The following LUC7L2 variants were observed in gnomAD, a reference collection of about 807,000 sequenced individuals.
LUC7L2 encodes LUC7 like 2, pre-mRNA splicing factor.
Under a neutral mutation model 52.8 loss-of-function variants are expected in LUC7L2, and 25 were observed. The observed-to-expected ratio is 0.47, with a 90% CI of 0.34 to 0.66. The LOEUF is 0.66. Ranked by LOEUF, LUC7L2 falls within the 30% of genes least tolerant of loss-of-function variation. The probability of loss-of-function intolerance (pLI) is 0.01; values close to 1 mark genes in which losing one functional copy is unlikely to be tolerated. For missense variants in LUC7L2, 328 were observed against 497.8 expected (o/e 0.66, Z 3.25); for synonymous variants, 144 against 160.9 (o/e 0.89, Z 0.80).
At chr7:139,382,355 T>C (rs1049806388) in intron 2 of LUC7L2, among the ~76,000 whole-genome samples, 24 of 152,022 alleles carry the variant, frequency 1.6e-4, no homozygotes, top group African/African-American at 5.8e-4. Flanking sequence ...GTCAATATTA[T>C]TGGGGACTTT....
chr7:139,379,091 T>C (rs1800857426), intron 2 of LUC7L2, among the ~76,000 whole-genome samples: 1 of 152,160 alleles, frequency 6.6e-6, no homozygotes, highest in African/African-American at 2.4e-5. Context: ...TCTTGACCTC[T>C]TGATCTGTTC....
In LUC7L2 at chr7:139,345,376, C is replaced by T. The variant is rs1008108174; in HGVS notation, c.-26+4859C>T. 7.7e-6 allele frequency: 10 copies of T among 1,307,070 alleles called. No individual in the cohort carries two copies. In the East Asian group the frequency reaches 1.8e-4, roughly 23 times the overall value. 81.0% of individuals were successfully genotyped at this position (1,307,070 alleles called of 1,614,324 possible). On this transcript the variant is annotated intron_variant, in intron 1 of 10. Coordinates refer to the LUC7L2 transcript ENST00000541170. Reference sequence around the variant, plus strand: ...GATGTATTAAGTATACATGTATATACATACATGTCTGTATTTCCTCTGTGC... The same window carrying T: ...GATGTATTAAGTATACATGTATATATATACATGTCTGTATTTCCTCTGTGC...
upstream of LUC7L2, among the ~76,000 whole-genome samples, chr7:139,356,032 C>T (rs1013736446): frequency 6.6e-6 from 1 of 152,158 alleles, no homozygotes; most frequent in Non-Finnish European, 1.5e-5. Flanking sequence ...AACCACTGGG[C>T]GTGGTGGCTC....
chr7:139,371,391 C>T, intron 1 of LUC7L2: 1 of 1,068,294 alleles, frequency 9.4e-7, no homozygotes, highest in Non-Finnish European at 1.4e-6. Context: ...GCTTAGCCTT[C>T]ACAGTTGTTG....
rs1443587846 is a variant in LUC7L2 at position 139,341,617 on chromosome 7, T to G, written c.-26+1100T>G. On this transcript the variant is annotated intron_variant, in intron 1 of 10. Transcript: ENST00000541170. ...GGGAGCACGGTGTTTAATTCCTGCA[T>G]TTCTGAGGCCAACCCTCCCACGGAG... 2.6e-6 allele frequency: 4 copies of G among 1,523,148 alleles called. No homozygotes were observed. In the African/African-American group the frequency reaches 5.5e-5, roughly 21 times the overall value. The allele number at this position is 1,523,148 out of a possible 1,614,324, so 94.4% of individuals were successfully genotyped here.
chr7:139,350,728 T>C (rs1585063188), intron 1 of LUC7L2, among the ~76,000 whole-genome samples: 1 of 150,904 alleles, frequency 6.6e-6, no homozygotes, highest in African/African-American at 2.4e-5. Context: ...CAGGCTGGAG[T>C]GCAGTGGTGC....
intron 1 of LUC7L2, among the ~76,000 whole-genome samples, chr7:139,352,467 A>C (rs1345269337): frequency 6.6e-6 from 1 of 152,126 alleles, no homozygotes; most frequent in African/African-American, 2.4e-5. Context: ...CACTGCATTC[A>C]CCCGGGTGAC....
chr7:139,373,009 CA>C (rs1800530824), intron 1 of LUC7L2, among the ~76,000 whole-genome samples: 1 of 152,014 alleles, frequency 6.6e-6, no homozygotes, highest in Non-Finnish European at 1.5e-5. Flanking sequence ...CCACAAAACC[CA>C]AAGATAAAAC....
intron 3 of LUC7L2, among the ~76,000 whole-genome samples, chr7:139,399,170 G>A (rs1282798415): frequency 1.3e-5 from 2 of 151,972 alleles, no homozygotes; most frequent in African/African-American, 4.8e-5. Flanking sequence ...AGAAGAAATG[G>A]ATTGTTGCAT....
intron 2 of LUC7L2, chr7:139,392,505 C>A (rs568937026): frequency 8.7e-6 from 3 of 346,234 alleles, no homozygotes; most frequent in East Asian, 1.0e-4. Context: ...ACATTTCATG[C>A]AGTAATGGAT....
chr7:139,390,700 C>T (rs561821101), intron 2 of LUC7L2, among the ~76,000 whole-genome samples: 16 of 152,034 alleles, frequency 1.1e-4, no homozygotes, highest in Non-Finnish European at 1.5e-4. Flanking sequence ...GGACTATAGG[C>T]GCCCACCACC....
upstream of LUC7L2, chr7:139,359,769 C>G (rs1183214760): frequency 5.0e-6 from 2 of 400,774 alleles, no homozygotes; most frequent in Admixed American, 4.4e-5. Context: ...GCGGGAGGAG[C>G]GCGCGTGCAC....
intron 5 of LUC7L2, among the ~76,000 whole-genome samples, 196 bp from the exon 6 acceptor site, chr7:139,406,978 A>C (rs1795143199): frequency 6.8e-6 from 1 of 147,338 alleles, no homozygotes; most frequent in African/African-American, 2.5e-5. Context: ...TAATTTTCAT[A>C]ACAAAATAGC....
intron 4 of LUC7L2, among the ~76,000 whole-genome samples, chr7:139,403,108 A>T (rs1485926583): frequency 6.6e-6 from 1 of 152,148 alleles, no homozygotes; most frequent in South Asian, 2.1e-4. Context: ...GTATCAGTTC[A>T]TTCCTTTTTA....
At chr7:139,400,628 T>C (rs1273764547) in intron 3 of LUC7L2, among the ~76,000 whole-genome samples, 1 of 152,202 alleles carries the variant, frequency 6.6e-6, no homozygotes, top group African/African-American at 2.4e-5. Flanking sequence ...TTATAGACTT[T>C]TAAGTCCTCG....
chr7:139,417,852 T>C (rs1223301422), intron 9 of LUC7L2, 123 bp downstream of exon 9: 21 of 1,320,050 alleles, frequency 1.6e-5, no homozygotes, highest in Non-Finnish European at 2.0e-5. Context: ...TCTGGTAATA[T>C]GTACACATTT....
chr7:139,365,775 A>T (rs186375765), intron 1 of LUC7L2, among the ~76,000 whole-genome samples: 1 of 152,244 alleles, frequency 6.6e-6, no homozygotes, highest in African/African-American at 2.4e-5. Flanking sequence ...GCAGTTTGGC[A>T]TAACTTAATC....
At chr7:139,362,096 T>C (rs571942943) in intron 1 of LUC7L2, among the ~76,000 whole-genome samples, 36 of 152,236 alleles carry the variant, frequency 2.4e-4, no homozygotes, top group Admixed American at 2.1e-3. Context: ...TTTTTATGTG[T>C]CTGTTACTGG....
At position 139,422,437 on chromosome 7, in the gene LUC7L2, A is replaced by G; in HGVS notation, c.*97A>G. 1 of 1,493,944 alleles carries G rather than the reference A, an allele frequency of 6.7e-7. No homozygotes were observed. Among genetic ancestry groups the G allele is most frequent in the East Asian group, 2.3e-5 (1 of 43,348 alleles). The allele number at this position is 1,493,944 out of a possible 1,614,324, so 92.5% of individuals were successfully genotyped here. On this transcript the variant is annotated 3_prime_UTR_variant, in exon 10 of 10. Transcript: ENST00000354926. ...TCAGGGTGACAGTGAGCAGATCCAGACACCAGATCCAGCTAGGCTAGATGT... is the reference window on the plus strand; with the variant it reads ...TCAGGGTGACAGTGAGCAGATCCAGGCACCAGATCCAGCTAGGCTAGATGT...
Sources: allele counts gnomAD v4.1 joint callset (sites outside exome capture counted in the v4.1 genomes callset), GRCh38; gene constraint gnomAD v4.1.1; transcripts MANE v1.5; gene names NCBI Gene and HGNC (gene_info 2026-07-23, HGNC 2026-07-21).